The following PCDHGA5 variants were observed in gnomAD, a reference collection of about 807,000 sequenced individuals.
PCDHGA5 encodes the protein protocadherin gamma-A5.
In PCDHGA5, 36 loss-of-function variants were observed where a neutral mutation model predicts 56.7. The observed-to-expected ratio is 0.64, with a 90% CI of 0.49 to 0.84. The LOEUF is 0.84. Ranked by LOEUF, PCDHGA5 falls within the 40% of genes least tolerant of loss-of-function variation. The probability of loss-of-function intolerance (pLI) is 0.00; values close to 1 mark genes in which losing one functional copy is unlikely to be tolerated. For missense variants in PCDHGA5, 1,305 were observed against 1,201.5 expected (o/e 1.09, Z -1.27); for synonymous variants, 563 against 520.2 (o/e 1.08, Z -1.12).
intron 2 of PCDHGA5, among the ~76,000 whole-genome samples, chr5:141,495,601 G>C (rs1315613802): frequency 6.6e-6 from 1 of 152,004 alleles, no homozygotes; most frequent in Non-Finnish European, 1.5e-5. Context: ...CTTAGCTTCC[G>C]TCTTGATTGC....
chr5:141,400,319 C>A lies in PCDHGA5; in HGVS notation c.2421+33568C>A, dbSNP rs762588918. ...TTCCAACCTGGTCTCTGTGTCAAGTCTGGACCTGTGGTTCCCCCCAACTAC... is the reference window on the plus strand; with the variant it reads ...TTCCAACCTGGTCTCTGTGTCAAGTATGGACCTGTGGTTCCCCCCAACTAC... On this transcript the variant is annotated intron_variant, in intron 1 of 3. Coordinates refer to ENST00000518069, the MANE Select transcript of PCDHGA5 (RefSeq NM_018918.3). The A allele has an allele frequency of 4.3e-6, 7 of 1,614,092 alleles. No individual in the cohort carries two copies. In the South Asian group the frequency reaches 7.7e-5, roughly 18 times the overall value.
chr5:141,455,055 G>T (rs1019622889), intron 1 of PCDHGA5, among the ~76,000 whole-genome samples: 1 of 151,602 alleles, frequency 6.6e-6, no homozygotes, highest in African/African-American at 2.4e-5. Flanking sequence ...CTCGTGATCC[G>T]CCCGCCTCGG....
At chr5:141,423,977 G>A in intron 1 of PCDHGA5, 4 of 1,121,548 alleles carry the variant, frequency 3.6e-6, no homozygotes, top group Non-Finnish European at 4.4e-6. Context: ...ATCAGTGTAT[G>A]AGGCTCTCAA....
chr5:141,408,279 A>G (rs1313502495), intron 1 of PCDHGA5: 1 of 1,612,184 alleles, frequency 6.2e-7, no homozygotes, highest in Admixed American at 1.7e-5. Flanking sequence ...CCTTTGTTCT[A>G]CCCCACCCTG....
At position 141,471,885 on chromosome 5, in the gene PCDHGA5, A is replaced by G. The variant is rs180968509; in HGVS notation, c.2422-22922A>G. ...ACTGTGGTTGCCTGAGGCTGAAGCT[A>G]GGAAGATTGACTACAGACAAGCATG... On this transcript the variant is annotated intron_variant, in intron 1 of 3. Transcript: ENST00000518069. Among the ~76,000 whole-genome samples the G allele has an allele frequency of 1.9e-3, 294 of 152,338 alleles. 1 individual carries two copies. Among genetic ancestry groups the G allele is most frequent in the Middle Eastern group, 0.017 (5 of 294 alleles).
chr5:141,494,773 G>C, intron 1 of PCDHGA5, 34 bp from the exon 2 acceptor site: 1 of 1,613,966 alleles, frequency 6.2e-7, no homozygotes, highest in Non-Finnish European at 8.5e-7. Context: ...CTTCTCACGG[G>C]TACTCAGCCC....
At chr5:141,382,663 G>T (rs1236015442) in intron 1 of PCDHGA5, 1 of 419,258 alleles carries the variant, frequency 2.4e-6, no homozygotes, top group African/African-American at 2.0e-5. Context: ...GACTCACAGC[G>T]CCGCTGTTCA....
intron 1 of PCDHGA5, chr5:141,403,850 G>T: frequency 6.2e-7 from 1 of 1,613,634 alleles, no homozygotes; most frequent in Non-Finnish European, 8.5e-7. Context: ...AAATACTGGG[G>T]AAATATCAAC....
In PCDHGA5 at chr5:141,432,785, G is replaced by A. The variant is rs1356593437; in HGVS notation, c.2422-62022G>A. 2.5e-6 allele frequency: 4 copies of A among 1,613,992 alleles called. No individual in the cohort carries two copies. The African/African-American group carries it at 4.0e-5, about 16-fold the overall frequency. On this transcript the variant is annotated intron_variant, in intron 1 of 3. Transcript: ENST00000518069. The surrounding 1 kb of genome is among the most constrained non-coding windows in gnomAD (Gnocchi z 6.0). ...CATCCCCCAAGTCCTGGCGGACCTC[G>A]GCAGCCTCGAGTCTCCAGCTAACTC...
intron 1 of PCDHGA5, among the ~76,000 whole-genome samples, chr5:141,466,724 A>G (rs2099128017): frequency 6.6e-6 from 1 of 152,148 alleles, no homozygotes. Flanking sequence ...TTTCCATTTT[A>G]GCAGAATTCA....
chr5:141,443,974 G>A (rs775899117), intron 1 of PCDHGA5, among the ~76,000 whole-genome samples: 5 of 152,066 alleles, frequency 3.3e-5, no homozygotes, highest in Non-Finnish European at 7.4e-5. Context: ...GTCCATCTAA[G>A]CTATGTTAAT....
At chr5:141,419,552 C>T in intron 1 of PCDHGA5, 1 of 1,612,014 alleles carries the variant, frequency 6.2e-7, no homozygotes, top group Non-Finnish European at 8.5e-7. Flanking sequence ...GGTGCTGTAC[C>T]CTGCGCTGGG....
Position 141,494,815 on chromosome 5 carries a change from G to A in PCDHGA5, c.2430G>A (p.Pro810=), listed in dbSNP as rs765344906. 1 of 1,613,976 alleles carries A rather than the reference G, an allele frequency of 6.2e-7. No homozygotes were observed. Among genetic ancestry groups the A allele is most frequent in the South Asian group, 1.1e-5 (1 of 91,072 alleles). ...NKEERRVQQA[P]PNTDWRFSQA... The stretch of plus-strand genomic sequence containing the variant: ...CTCTGTTTTCTCCACAGCAAGCCCC[G>A]CCCAACACGGACTGGCGTTTCTCTC... The change falls in exon 2 of 4, where the codon CCG becomes CCA. Residue 810 remains proline, a synonymous_variant. Transcript: ENST00000518069.
intron 1 of PCDHGA5, chr5:141,414,828 G>A (rs780047810): frequency 1.4e-5 from 22 of 1,614,092 alleles, no homozygotes; most frequent in Non-Finnish European, 1.8e-5. Flanking sequence ...GCAACGTGTC[G>A]TTGAGCCTGT....
At chr5:141,436,588 G>A (rs1182294845) in intron 1 of PCDHGA5, among the ~76,000 whole-genome samples, 3 of 152,138 alleles carry the variant, frequency 2.0e-5, no homozygotes, top group Non-Finnish European at 2.9e-5. Context: ...AATTTGAAAG[G>A]TCGTGGTGAT....
chr5:141,467,057 T>TG, intron 1 of PCDHGA5, among the ~76,000 whole-genome samples: 1 of 144,752 alleles, frequency 6.9e-6, no homozygotes, highest in Non-Finnish European at 1.5e-5. Context: ...AATGTTTTCT[T>TG]TTTTTTTTTT....
chr5:141,398,189 T>G (rs926901002), intron 1 of PCDHGA5: 3 of 1,482,238 alleles, frequency 2.0e-6, no homozygotes, highest in Middle Eastern at 2.3e-4. Context: ...TTTCTCTTCC[T>G]GCTGTCTTTG....
intron 1 of PCDHGA5, among the ~76,000 whole-genome samples, chr5:141,446,128 G>A (rs1242643475): frequency 3.3e-5 from 5 of 152,188 alleles, no homozygotes; most frequent in Non-Finnish European, 7.3e-5. Flanking sequence ...GGTTCAATAA[G>A]ACTTAATAAT....
chr5:141,411,724 A>G (rs2095509404), intron 1 of PCDHGA5: 1 of 152,684 alleles, frequency 6.5e-6, no homozygotes, highest in South Asian at 2.1e-4. Flanking sequence ...GCTACAGAAC[A>G]TTTAAAAATT....
Sources: allele counts gnomAD v4.1 joint callset (sites outside exome capture counted in the v4.1 genomes callset), GRCh38; gene constraint gnomAD v4.1.1; non-coding constraint Gnocchi (gnomAD v3.1); transcripts MANE v1.5; gene names NCBI Gene and HGNC (gene_info 2026-07-23, HGNC 2026-07-21).